The following PRMT3 variants were observed in gnomAD, a reference collection of about 807,000 sequenced individuals.
PRMT3 encodes protein arginine N-methyltransferase 3.
PRMT3 carries 62 observed loss-of-function variants against 71.9 expected under a neutral mutation model. That is an observed-to-expected ratio of 0.86 (90% CI 0.70 to 1.07). The LOEUF is 1.07. Among genes scored for constraint, PRMT3 ranks in the 50% least tolerant of loss-of-function variants. PRMT3 has a pLI of 0.00. For synonymous variants in PRMT3, 213 were observed against 220.4 expected (o/e 0.97, Z 0.30); for missense variants, 663 against 643.0 (o/e 1.03, Z -0.34).
intron 13 of PRMT3, among the ~76,000 whole-genome samples, chr11:20,465,558 C>G (rs1850492443): frequency 6.6e-6 from 1 of 151,836 alleles, no homozygotes; most frequent in Non-Finnish European, 1.5e-5. Flanking sequence ...TGTTTCAGTT[C>G]ATTTTGATTC....
At chr11:20,404,842 A>C (rs1294260188) in intron 8 of PRMT3, among the ~76,000 whole-genome samples, 1 of 152,106 alleles carries the variant, frequency 6.6e-6, no homozygotes, top group African/African-American at 2.4e-5. Flanking sequence ...TGTGGGTTTT[A>C]TTACGGTGAG....
intron 5 of PRMT3, among the ~76,000 whole-genome samples, chr11:20,394,605 G>T (rs187732656): frequency 6.6e-6 from 1 of 152,080 alleles, no homozygotes; most frequent in East Asian, 1.9e-4. Context: ...TTATTTTTGT[G>T]GTGAGAACAG....
intron 13 of PRMT3, among the ~76,000 whole-genome samples, chr11:20,486,633 G>A (rs772606708): frequency 6.6e-6 from 1 of 152,074 alleles, no homozygotes; most frequent in African/African-American, 2.4e-5. Context: ...TCGGGGAGCA[G>A]GGGAGAGGAA....
rs1267527171 is a variant in PRMT3, at chr11:20,423,887, A to C, written c.894-2879A>C. ...AGATTCTCTCTTAAAAAAAAAAAAA[A>C]AAAAAAAAAAAAAAAGGCCAGGCGC... On this transcript the variant is annotated intron_variant, in intron 9 of 15. Transcript: ENST00000331079. Among the ~76,000 whole-genome samples the C allele has an allele frequency of 1.4e-5, 2 of 144,968 alleles. 1 individual carries two copies. Among genetic ancestry groups the C allele is most frequent in the African/African-American group, 5.4e-5 (2 of 37,294 alleles).
At chr11:20,456,640 G>C (rs1254636563) in intron 11 of PRMT3, among the ~76,000 whole-genome samples, 1 of 151,912 alleles carries the variant, frequency 6.6e-6, no homozygotes, top group Non-Finnish European at 1.5e-5. Flanking sequence ...TCCCCATTTT[G>C]ATCTTTTTAA....
intron 9 of PRMT3, among the ~76,000 whole-genome samples, chr11:20,420,277 CAA>C (rs1254721916): frequency 6.6e-6 from 1 of 152,170 alleles, no homozygotes; most frequent in African/African-American, 2.4e-5. Flanking sequence ...TTGAGCGTCT[CAA>C]GAGATGCAGT....
At chr11:20,467,878 C>T (rs1850549721) in intron 13 of PRMT3, among the ~76,000 whole-genome samples, 3 of 152,156 alleles carry the variant, frequency 2.0e-5, no homozygotes, top group South Asian at 4.1e-4. Context: ...TCTTAACTAT[C>T]CACCCATATT....
At chr11:20,451,077 A>G (rs540527074) in intron 10 of PRMT3, among the ~76,000 whole-genome samples, 2 of 152,192 alleles carry the variant, frequency 1.3e-5, no homozygotes, top group African/African-American at 2.4e-5. Flanking sequence ...TTTCTCAGTC[A>G]TGATTATTTG....
intron 10 of PRMT3, among the ~76,000 whole-genome samples, chr11:20,440,489 CAAAA>C (rs55801324): frequency 8.6e-5 from 10 of 115,926 alleles, no homozygotes; most frequent in East Asian, 5.1e-4. Context: ...ACTAAAAATA[CAAAA>C]AAAAAAAAAA....
intron 10 of PRMT3, among the ~76,000 whole-genome samples, chr11:20,440,378 G>A (rs534735990): frequency 1.1e-3 from 167 of 151,740 alleles, no homozygotes; most frequent in African/African-American, 3.9e-3. Flanking sequence ...GGGTGTGGTG[G>A]CTCACGCCTG....
chr11:20,452,187 TAC>T lies in PRMT3; in HGVS notation c.1052_1053del (p.Tyr351PhefsTer10). 6.2e-7 allele frequency: 1 copy of T among 1,609,740 alleles called. No homozygotes were observed. Among genetic ancestry groups the T allele is most frequent in the Non-Finnish European group, 8.5e-7 (1 of 1,176,430 alleles). The stretch of plus-strand genomic sequence containing the variant: ...TTCTGTCCTTTATGCAAAGAACAAA[TAC>T]TTGGCAAAAGGAGGCTCGGGTGAGT... ...LDSVLYAKNK[Y>X]LAKGGSVYPD... On this transcript the variant is annotated frameshift_variant, in exon 11 of 16. Coordinates refer to ENST00000331079, the MANE Select transcript of PRMT3 (RefSeq NM_005788.4). LOFTEE classifies it high-confidence loss of function.
rs368469025 is a variant in PRMT3 at position 20,493,015 on chromosome 11, C to T, written c.1348-904C>T. On this transcript the variant is annotated intron_variant, in intron 13 of 15. Coordinates refer to ENST00000331079, the MANE Select transcript of PRMT3 (RefSeq NM_005788.4). ...AAAATATAAAAGCCAGGTGTGGTGG[C>T]GCACGCCTGTGGTCCCATCTACTCA... Among the ~76,000 whole-genome samples, 204 of 152,176 alleles carry T rather than the reference C, an allele frequency of 1.3e-3. 2 individuals are homozygous for T. Among genetic ancestry groups the T allele is most frequent in the East Asian group, 6.2e-3 (32 of 5,158 alleles).
intron 11 of PRMT3, among the ~76,000 whole-genome samples, chr11:20,452,603 A>G (rs970819781): frequency 6.6e-5 from 10 of 152,300 alleles, no homozygotes; most frequent in African/African-American, 1.9e-4. Context: ...CGACTTCACT[A>G]AATCTGTAAA....
intron 13 of PRMT3, among the ~76,000 whole-genome samples, chr11:20,482,536 T>G (rs1354415425): frequency 1.3e-5 from 2 of 152,068 alleles, no homozygotes; most frequent in Non-Finnish European, 2.9e-5. Flanking sequence ...TCAGAGGGGT[T>G]CTCCCTAGAC....
At chr11:20,485,675 G>A (rs1851055150) in intron 13 of PRMT3, among the ~76,000 whole-genome samples, 1 of 151,890 alleles carries the variant, frequency 6.6e-6, no homozygotes. Context: ...ACAGAGGGAA[G>A]GGCAAGAAAT....
At chr11:20,450,571 T>C (rs2044214) in intron 10 of PRMT3, among the ~76,000 whole-genome samples, 148,085 of 152,250 alleles carry the variant, frequency 0.97, 72,344 homozygotes, top group Middle Eastern at 1. Flanking sequence ...ATTTTCCTAA[T>C]GTAACATATT....
chr11:20,410,197 T>G (rs1849164664), intron 9 of PRMT3, among the ~76,000 whole-genome samples: 1 of 152,164 alleles, frequency 6.6e-6, no homozygotes. Context: ...TAATATTTAG[T>G]GCTAGGGTGT....
In PRMT3 at chr11:20,508,491, G is replaced by C. The variant is rs1851651203; in HGVS notation, c.*78G>C. The C allele has an allele frequency of 1.0e-6, 1 of 953,410 alleles. No homozygotes were observed. Among genetic ancestry groups the C allele is most frequent in the African/African-American group, 1.6e-5 (1 of 61,980 alleles). 59.1% of individuals were successfully genotyped at this position (953,410 alleles called of 1,614,324 possible). ...GTCAGCAGGAGGGAGCTGGTTTTAT[G>C]TGAGCAGATGGATGGATGATGGACC... On this transcript the variant is annotated 3_prime_UTR_variant, in exon 16 of 16. Transcript: ENST00000331079.
intron 13 of PRMT3, among the ~76,000 whole-genome samples, chr11:20,481,818 G>C (rs1850944015): frequency 6.6e-6 from 1 of 151,896 alleles, no homozygotes; most frequent in Non-Finnish European, 1.5e-5. Context: ...CAACCCTAGA[G>C]AGTCAAGAGC....
Sources: allele counts gnomAD v4.1 joint callset (sites outside exome capture counted in the v4.1 genomes callset), GRCh38; gene constraint gnomAD v4.1.1; transcripts MANE v1.5; gene names NCBI Gene and HGNC (gene_info 2026-07-23, HGNC 2026-07-21).